Variants in THSD7B observed in about 807,000 individuals in gnomAD.
THSD7B encodes thrombospondin type-1 domain-containing protein 7B.
Under a neutral mutation model 213.6 loss-of-function variants are expected in THSD7B, and 138 were observed. The ratio of observed to expected loss-of-function variants is 0.65; its 90% CI spans 0.56 to 0.74. THSD7B has a LOEUF of 0.74. Ranked by LOEUF, THSD7B falls within the 30% of genes least tolerant of loss-of-function variation. The pLI, the probability that THSD7B is intolerant of heterozygous loss-of-function variation, is 0.00. For missense variants in THSD7B, 1,931 were observed against 1,991.5 expected (o/e 0.97, Z 0.58); for synonymous variants, 742 against 687.0 (o/e 1.08, Z -1.25).
At position 137,223,966 on chromosome 2, in the gene THSD7B, G is replaced by C. The variant is rs1573896648; in HGVS notation, c.1724-7078G>C. ...GCTCCCCCTTCTGCCAATGATGTAA[G>C]TTTCCTGAGGCCTTTCCAGCCGTGC... On this transcript the variant is annotated intron_variant, in intron 7 of 27. Transcript: ENST00000409968. Among the ~76,000 whole-genome samples the C allele has an allele frequency of 2.6e-5, 4 of 152,084 alleles. No homozygotes were observed. The East Asian group carries it at 7.7e-4, about 29-fold the overall frequency.
At chr2:137,314,858 G>A (rs1452490724) in intron 12 of THSD7B, among the ~76,000 whole-genome samples, 2 of 152,212 alleles carry the variant, frequency 1.3e-5, no homozygotes, top group African/African-American at 4.8e-5. Context: ...GTGGCAGTCT[G>A]CCCGTTCTCA....
intron 20 of THSD7B, among the ~76,000 whole-genome samples, chr2:137,630,527 T>A (rs1485644233): frequency 6.6e-6 from 1 of 152,174 alleles, no homozygotes; most frequent in African/African-American, 2.4e-5. Flanking sequence ...ATTATTAAAA[T>A]AAGATAATTC....
At chr2:137,551,489 A>T (rs974424183) in intron 15 of THSD7B, among the ~76,000 whole-genome samples, 35 of 152,122 alleles carry the variant, frequency 2.3e-4, no homozygotes, top group Non-Finnish European at 1.5e-5. Context: ...TGAAATGTTC[A>T]TGGGCCCCTT....
Position 137,097,896 on chromosome 2 carries a change from G to A in THSD7B, c.1199+2775G>A, listed in dbSNP as rs548527836. The stretch of plus-strand genomic sequence containing the variant: ...ACCAGTGTTCCATAGGGAGAATAAT[G>A]TAACTAATGATTCTACTTGGTTGTG... On this transcript the variant is annotated intron_variant, in intron 4 of 27. Coordinates refer to ENST00000409968, the MANE Select transcript of THSD7B (RefSeq NM_001316349.2). 2.6e-5 allele frequency among the ~76,000 whole-genome samples: 4 copies of A among 152,024 alleles called. No individual in the cohort carries two copies. In the East Asian group the frequency reaches 7.7e-4, roughly 29 times the overall value.
chr2:137,024,278 A>T (rs2104845988), intron 2 of THSD7B, among the ~76,000 whole-genome samples: 1 of 152,254 alleles, frequency 6.6e-6, no homozygotes, highest in African/African-American at 2.4e-5. Context: ...GAAGCTTTGC[A>T]TATGTGGCTT....
chr2:136,968,664 T>G (rs1685357471), intron 2 of THSD7B, among the ~76,000 whole-genome samples: 1 of 152,166 alleles, frequency 6.6e-6, no homozygotes, highest in African/African-American at 2.4e-5. Context: ...GAATGTTGCT[T>G]AAGAAATCCT....
At chr2:137,182,697 A>C (rs898642169) in intron 7 of THSD7B, among the ~76,000 whole-genome samples, 22 of 152,154 alleles carry the variant, frequency 1.4e-4, no homozygotes, top group African/African-American at 5.3e-4. Flanking sequence ...AATTATACTG[A>C]TGACCGGATT....
chr2:137,614,224 A>G (rs565696345), intron 17 of THSD7B, among the ~76,000 whole-genome samples: 2 of 152,200 alleles, frequency 1.3e-5, no homozygotes, highest in Non-Finnish European at 2.9e-5. Context: ...ACTTATACAC[A>G]TATGGACTGT....
At position 136,795,329 on chromosome 2, in the gene THSD7B, G is replaced by A. The variant is rs189715904; in HGVS notation, c.-36+29642G>A. On this transcript the variant is annotated intron_variant, in intron 1 of 27. Transcript: ENST00000409968. ...GCTTCCATCTTAAAAGGGGCTGTTC[G>A]AGGCTTCCTTACGTTGCATCCACCT... Among the ~76,000 whole-genome samples the A allele has an allele frequency of 2.6e-5, 4 of 151,946 alleles. No homozygotes were observed. The East Asian group carries it at 5.8e-4, about 22-fold the overall frequency.
chr2:137,664,594 T>C (rs1683413731), intron 26 of THSD7B, among the ~76,000 whole-genome samples: 1 of 152,216 alleles, frequency 6.6e-6, no homozygotes, highest in Non-Finnish European at 1.5e-5. Context: ...AAATGTCTCA[T>C]TACATTCTTG....
Position 137,582,388 on chromosome 2 carries a change from G to A in THSD7B, c.3423+9832G>A, listed in dbSNP as rs181280889. Among the ~76,000 whole-genome samples the A allele has an allele frequency of 3.8e-4, 56 of 146,142 alleles. 1 individual carries two copies. In the East Asian group the frequency reaches 0.01, roughly 27 times the overall value. On this transcript the variant is annotated intron_variant, in intron 17 of 27. Coordinates refer to ENST00000409968, the MANE Select transcript of THSD7B (RefSeq NM_001316349.2). ...AAGTTCTAGGGTGCATGTGCACAAC[G>A]TGGAGGTTTGTTACATATGTATCCA...
chr2:137,511,301 A>G (rs1166063601), intron 15 of THSD7B, among the ~76,000 whole-genome samples: 1 of 152,208 alleles, frequency 6.6e-6, no homozygotes, highest in East Asian at 1.9e-4. Context: ...CTCCTAGTCA[A>G]TTTCTACAGA....
intron 2 of THSD7B, among the ~76,000 whole-genome samples, chr2:136,934,152 C>T (rs1041784762): frequency 6.6e-6 from 1 of 152,060 alleles, no homozygotes; most frequent in Non-Finnish European, 1.5e-5. Flanking sequence ...TTATCTAACT[C>T]CTCTTGAGTT....
intron 2 of THSD7B, among the ~76,000 whole-genome samples, chr2:136,895,324 A>G (rs1352676711): frequency 6.6e-6 from 1 of 151,818 alleles, no homozygotes; most frequent in African/African-American, 2.4e-5. Context: ...TATGACTTGA[A>G]TTTTCTTTAT....
At chr2:137,305,466 T>C (rs541652075) in intron 12 of THSD7B, among the ~76,000 whole-genome samples, 1 of 152,218 alleles carries the variant, frequency 6.6e-6, no homozygotes, top group South Asian at 2.1e-4. Flanking sequence ...TTGAAACTCA[T>C]GTCCATTCAT....
chr2:137,465,816 A>G (rs1451977512), intron 15 of THSD7B, among the ~76,000 whole-genome samples: 1 of 152,102 alleles, frequency 6.6e-6, no homozygotes. Flanking sequence ...GTCAAGTGGC[A>G]TTTACCATGA....
At chr2:137,011,213 C>G (rs1024374018) in intron 2 of THSD7B, among the ~76,000 whole-genome samples, 1 of 152,166 alleles carries the variant, frequency 6.6e-6, no homozygotes, top group African/African-American at 2.4e-5. Flanking sequence ...TGGGCTTAAT[C>G]CAGCTACTCT....
intron 2 of THSD7B, among the ~76,000 whole-genome samples, chr2:136,942,760 TG>T (rs1684850841): frequency 6.6e-6 from 1 of 152,200 alleles, no homozygotes; most frequent in Non-Finnish European, 1.5e-5. Flanking sequence ...GCTGAGACGA[TG>T]GGGTTTTCTA....
At chr2:137,295,080 C>T (rs926847825) in intron 12 of THSD7B, among the ~76,000 whole-genome samples, 17 of 152,050 alleles carry the variant, frequency 1.1e-4, no homozygotes, top group African/African-American at 4.1e-4. Flanking sequence ...TCTCTGCTGA[C>T]ATTTGTTTAC....
Sources: gnomAD v4.1 joint callset for allele counts (sites outside exome capture counted in the v4.1 genomes callset) on GRCh38, gnomAD v4.1.1 for gene constraint, MANE v1.5 for transcripts, NCBI Gene and HGNC (gene_info 2026-07-23, HGNC 2026-07-21) for gene names.